The following LRRC38 variants were observed in gnomAD, a reference collection of about 807,000 sequenced individuals.
LRRC38 encodes the protein leucine-rich repeat-containing protein 38.
A neutral mutation model predicts 16.4 loss-of-function variants in LRRC38; 5 were observed. The observed-to-expected ratio is 0.31, with a 90% CI of 0.16 to 0.64. The LOEUF (loss-of-function observed/expected upper bound fraction) is 0.64. LRRC38 is among the 30% of genes least tolerant of loss of function. The pLI is 0.80. For synonymous variants in LRRC38, 191 were observed against 190.2 expected, an observed-to-expected ratio of 1.00 and a Z score of -0.04; for missense variants, 341 against 401.8, an observed-to-expected ratio of 0.85 and a Z score of 1.29.
intron 1 of LRRC38, among the ~76,000 whole-genome samples, chr1:13,496,894 G>A (rs1157756194): frequency 1.3e-5 from 2 of 152,278 alleles, no homozygotes; most frequent in Admixed American, 6.5e-5. Flanking sequence ...TGCGGCCCAG[G>A]GAGAAGGTGG....
intron 1 of LRRC38, among the ~76,000 whole-genome samples, chr1:13,492,661 C>G (rs1042392857): frequency 7.9e-5 from 12 of 151,926 alleles, no homozygotes; most frequent in African/African-American, 2.4e-4. Flanking sequence ...GAGATCGCAC[C>G]AGTGCACTCC....
At chr1:13,478,177 A>G (rs1243071905) in intron 1 of LRRC38, among the ~76,000 whole-genome samples, 1 of 152,254 alleles carries the variant, frequency 6.6e-6, no homozygotes, top group Non-Finnish European at 1.5e-5. Context: ...GAATGGTATT[A>G]GAATGCATAA....
intron 1 of LRRC38, among the ~76,000 whole-genome samples, chr1:13,499,288 G>A (rs1319935585): frequency 1.3e-5 from 2 of 152,054 alleles, no homozygotes; most frequent in South Asian, 2.1e-4. Context: ...TAGTAGAGAC[G>A]GGGTTTCACC....
chr1:13,501,776 G>A (rs1425973633), intron 1 of LRRC38, among the ~76,000 whole-genome samples: 2 of 145,210 alleles, frequency 1.4e-5, no homozygotes, highest in African/African-American at 5.0e-5. Context: ...GTTTTTGTTT[G>A]TTTGTTTGTT....
chr1:13,511,685 G>A (rs1639275582), intron 1 of LRRC38, among the ~76,000 whole-genome samples: 1 of 152,108 alleles, frequency 6.6e-6, no homozygotes, highest in African/African-American at 2.4e-5. Context: ...CCTGTCTCCA[G>A]GACCGAGTCT....
At chr1:13,483,409 G>A (rs987069584) in intron 1 of LRRC38, among the ~76,000 whole-genome samples, 1 of 152,082 alleles carries the variant, frequency 6.6e-6, no homozygotes, top group Non-Finnish European at 1.5e-5. Context: ...TCGGCCTCCC[G>A]AAGTGCTGGG....
intron 1 of LRRC38, among the ~76,000 whole-genome samples, chr1:13,504,411 C>T (rs1258686305): frequency 6.6e-6 from 1 of 151,992 alleles, no homozygotes; most frequent in Non-Finnish European, 1.5e-5. Flanking sequence ...CATCAATACA[C>T]AGAGAGAAAA....
Position 13,507,598 on chromosome 1 carries a change from G to T in LRRC38, c.631+5365C>A, listed in dbSNP as rs528348689. Among the ~76,000 whole-genome samples, 7 of 151,710 alleles carry T rather than the reference G, an allele frequency of 4.6e-5. No homozygotes were observed. The East Asian group carries it at 1.4e-3, about 30-fold the overall frequency. On this transcript the variant is annotated intron_variant, in intron 1 of 1. Coordinates refer to ENST00000376085, the MANE Select transcript of LRRC38 (RefSeq NM_001010847.2). ...TGTAATCCCAGCACTTTGCCAGGCC[G>T]AGGTGAGTGGATCACCTGAGGTCAG... is the stretch of plus-strand genomic sequence containing the variant.
intron 1 of LRRC38, among the ~76,000 whole-genome samples, chr1:13,502,901 G>A (rs773781494): frequency 6.6e-6 from 1 of 152,168 alleles, no homozygotes; most frequent in Non-Finnish European, 1.5e-5. Context: ...TGATCTAAAA[G>A]CACACATCAT....
At chr1:13,498,857 GCA>G (rs1639113065) in intron 1 of LRRC38, among the ~76,000 whole-genome samples, 4 of 152,102 alleles carry the variant, frequency 2.6e-5, no homozygotes, top group Non-Finnish European at 5.9e-5. Flanking sequence ...CAAGGCATCG[GCA>G]GCGCTGGTTC....
At chr1:13,480,210 T>G (rs922243847) in intron 1 of LRRC38, among the ~76,000 whole-genome samples, 8 of 152,308 alleles carry the variant, frequency 5.3e-5, no homozygotes, top group Admixed American at 1.3e-4. Context: ...CTGGGCATGG[T>G]GGCGCATGCC....
intron 1 of LRRC38, among the ~76,000 whole-genome samples, chr1:13,477,620 T>G (rs1260299453): frequency 6.6e-6 from 1 of 152,040 alleles, no homozygotes; most frequent in East Asian, 1.9e-4. Flanking sequence ...AGAGACTTAC[T>G]TGAGCTCAGG....
chr1:13,512,970 C>A lies in LRRC38; in HGVS notation c.624G>T (p.Leu208=). ...FSWIQENASK[L]PKGLDEIQCS... The stretch of plus-strand genomic sequence containing the variant: ...CTAGCCGGCTCGGCTCACCTTTGGG[C>A]AGTTTGGATGCGTTCTCCTGGATCC... The change falls in exon 1 of 2, where the codon CTG becomes CTT. Residue 208 remains leucine (L), a synonymous_variant. Transcript: ENST00000376085. The A allele has an allele frequency of 8.8e-7, 1 of 1,132,540 alleles. No individual in the cohort carries two copies. Among genetic ancestry groups the A allele is most frequent in the Non-Finnish European group, 1.2e-6 (1 of 840,846 alleles). The allele number at this position is 1,132,540 out of a possible 1,614,324, so 70.2% of individuals were successfully genotyped here. A position where few individuals can be genotyped will look rare whatever the true frequency, so the allele number is the denominator to read the frequency against.
At chr1:13,499,834 G>A (rs923595692) in intron 1 of LRRC38, among the ~76,000 whole-genome samples, 4 of 152,138 alleles carry the variant, frequency 2.6e-5, no homozygotes, top group Non-Finnish European at 2.9e-5. Flanking sequence ...AGGTATGCAC[G>A]CTTTCCGTAT....
intron 1 of LRRC38, among the ~76,000 whole-genome samples, chr1:13,504,361 G>A (rs149043762): frequency 1.4e-3 from 207 of 152,086 alleles, no homozygotes; most frequent in African/African-American, 4.7e-3. Flanking sequence ...GGTAACCACG[G>A]TACATATTTT....
chr1:13,491,297 C>T (rs2100503625), intron 1 of LRRC38, among the ~76,000 whole-genome samples: 1 of 152,278 alleles, frequency 6.6e-6, no homozygotes, highest in African/African-American at 2.4e-5. Context: ...GATGCCCTGC[C>T]TTGGGGTATT....
intron 1 of LRRC38, among the ~76,000 whole-genome samples, chr1:13,492,748 C>A (rs762077224): frequency 3.9e-5 from 6 of 152,108 alleles, no homozygotes; most frequent in Non-Finnish European, 8.8e-5. Context: ...CATTACCCAG[C>A]CCTGACACTC....
chr1:13,499,004 C>T (rs189571), intron 1 of LRRC38, among the ~76,000 whole-genome samples: 78,736 of 151,974 alleles, frequency 0.52, 22,003 homozygotes, highest in Middle Eastern at 0.73. Context: ...GGCCTTCTCC[C>T]GGTGTGCGTG....
Position 13,481,477 on chromosome 1 carries a change from T to C in LRRC38, c.632-5378A>G, listed in dbSNP as rs368535718. On this transcript the variant is annotated intron_variant, in intron 1 of 1. Coordinates refer to ENST00000376085, the MANE Select transcript of LRRC38 (RefSeq NM_001010847.2). ...CATGATCTCGGCTCACTGCAAGCTC[T>C]GCCTCCTGGGTTCACGCCATTCTCC... 6.6e-5 allele frequency among the ~76,000 whole-genome samples: 10 copies of C among 151,948 alleles called. No homozygotes were observed. The South Asian group carries it at 1.3e-3, about 19-fold the overall frequency.
Sources: allele counts gnomAD v4.1 joint callset (sites outside exome capture counted in the v4.1 genomes callset), GRCh38; gene constraint gnomAD v4.1.1; transcripts MANE v1.5; gene names NCBI Gene and HGNC (gene_info 2026-07-23, HGNC 2026-07-21).